The following GAK variants were observed in gnomAD, a reference collection of about 807,000 sequenced individuals.
GAK encodes cyclin-G-associated kinase.
GAK carries 79 observed loss-of-function variants against 143.9 expected under a neutral mutation model. That is an observed-to-expected ratio of 0.55 (90% confidence interval 0.46 to 0.66). GAK has a LOEUF of 0.66. Ranked by LOEUF, GAK falls within the 30% of genes least tolerant of loss-of-function variation. The pLI is 0.00. For synonymous variants in GAK, 881 were observed against 765.5 expected, an observed-to-expected ratio of 1.15 and a Z score of -2.49; for missense variants, 1,693 against 1,779.7, an observed-to-expected ratio of 0.95 and a Z score of 0.88.
chr4:918,292 T>C (rs993529331), intron 1 of GAK, among the ~76,000 whole-genome samples: 12 of 152,392 alleles, frequency 7.9e-5, no homozygotes, highest in African/African-American at 2.9e-4. Context: ...ACATAAGACT[T>C]AATCGTGTTT....
chr4:866,395 G>A lies in GAK; in HGVS notation c.3012C>T (p.Pro1004=), dbSNP rs1275457973. 6.2e-7 allele frequency: 1 copy of A among 1,613,958 alleles called. No individual in the cohort carries two copies. Among genetic ancestry groups the A allele is most frequent in the Admixed American group, 1.7e-5 (1 of 60,008 alleles). ...PSFPSAHSAP[P]PSCSADFLHL... ...GCAGGAAGTCGGCGCTGCAGGATGG[G>A]GGCGGAGCACTGTGGGCAGACGGGA... The change falls in exon 22 of 28, where the codon CCC becomes CCT. Residue 1004 remains proline, a synonymous_variant. Transcript: ENST00000314167.
chr4:890,389 A>AG, intron 10 of GAK, 143 bp downstream of exon 10: 1 of 590,550 alleles, frequency 1.7e-6, no homozygotes, highest in Non-Finnish European at 2.9e-6. Context: ...GGGTGTGCTC[A>AG]GGGACCCTGA....
At chr4:868,251 G>A (rs968123889) in intron 20 of GAK, among the ~76,000 whole-genome samples, 1 of 152,206 alleles carries the variant, frequency 6.6e-6, no homozygotes, top group African/African-American at 2.4e-5. Context: ...CGCCAGCATG[G>A]CCCATGCTGC....
chr4:893,521 C>A, intron 8 of GAK, 32 bp from the exon 9 acceptor site: 1 of 1,476,202 alleles, frequency 6.8e-7, no homozygotes, highest in African/African-American at 1.4e-5. Context: ...CTCGGCCCCA[C>A]GGTTCCCCAG....
Position 896,373 on chromosome 4 carries a change from C to T in GAK, c.741+87G>A, listed in dbSNP as rs909810553. 1.2e-5 allele frequency: 12 copies of T among 1,000,352 alleles called. No homozygotes were observed. In the South Asian group the frequency reaches 1.2e-4, roughly 10 times the overall value. 62.0% of individuals were successfully genotyped at this position (1,000,352 alleles called of 1,614,324 possible). ...GGGGGTGGAGGAGGCAGGCCAGTTC[C>T]GAGTGGCAGGTGCCCGGCCCACGCC... is the stretch of plus-strand genomic sequence containing the variant. On this transcript the variant is annotated intron_variant, in intron 7 of 27. Coordinates refer to ENST00000314167, the MANE Select transcript of GAK (RefSeq NM_005255.4).
In GAK at chr4:850,060, G is replaced by A. The variant is rs1307835870; in HGVS notation, c.3666C>T (p.Asp1222=). 2 of 1,576,900 alleles carry A rather than the reference G, an allele frequency of 1.3e-6. No homozygotes were observed. Among genetic ancestry groups the A allele is most frequent in the Non-Finnish European group, 8.7e-7 (1 of 1,154,726 alleles). The change falls in exon 27 of 28, where the codon GAC becomes GAT. Residue 1222 remains aspartate (D), a synonymous_variant. Transcript: ENST00000314167. ...DTDPLKLKLL[D]WIEGKERNIR... Reference sequence around the variant, plus strand: ...TGTTCCGCTCCTTGCCCTCAATCCAGTCCAGGAGCTGCGGGAGACACGGAG... The same window carrying A: ...TGTTCCGCTCCTTGCCCTCAATCCAATCCAGGAGCTGCGGGAGACACGGAG...
At chr4:864,979 C>T (rs182836565) in intron 23 of GAK, 143 bp downstream of exon 23, 55 of 1,163,134 alleles carry the variant, frequency 4.7e-5, no homozygotes, top group East Asian at 4.3e-4. Flanking sequence ...GCCTTGTGTG[C>T]GGAGCCCGCA....
chr4:893,612 G>T, intron 8 of GAK, 123 bp from the exon 9 acceptor site: 10 of 743,884 alleles, frequency 1.3e-5, no homozygotes, highest in East Asian at 3.0e-5. Context: ...GACGTCAGAA[G>T]CAAGAAGGGA....
chr4:893,909 T>G lies in GAK; in HGVS notation c.842A>C (p.His281Pro). 1 of 1,611,462 alleles carries G rather than the reference T, an allele frequency of 6.2e-7. No individual in the cohort carries two copies. Among genetic ancestry groups the G allele is most frequent in the Non-Finnish European group, 8.5e-7 (1 of 1,178,914 alleles). Reference protein sequence around the residue: ...IVNGKYSIPPHDTQYTVFHSL... With the variant: ...IVNGKYSIPPPDTQYTVFHSL... ...GTGGAAGACCGTGTACTGCGTGTCGTGCGGGGGGATCGAGTACTTCCCATT... is the reference window on the plus strand; with the variant it reads ...GTGGAAGACCGTGTACTGCGTGTCGGGCGGGGGGATCGAGTACTTCCCATT... The change falls in exon 8 of 28, where the codon CAC becomes CCC. Residue 281 changes from histidine (H) to proline (P), a missense_variant. Transcript: ENST00000314167.
At chr4:896,907 G>A (rs527307819) in intron 6 of GAK, among the ~76,000 whole-genome samples, 2 of 152,358 alleles carry the variant, frequency 1.3e-5, no homozygotes, top group East Asian at 1.9e-4. Context: ...CAGAGTGGCC[G>A]CACCCAGAGC....
intron 23 of GAK, among the ~76,000 whole-genome samples, chr4:863,618 T>C (rs1490284274): frequency 2.6e-5 from 4 of 152,238 alleles, no homozygotes; most frequent in African/African-American, 9.6e-5. Context: ...GCCATCCACA[T>C]TGAGGCAAGA....
chr4:913,940 G>A (rs1304562349), intron 1 of GAK: 9 of 243,634 alleles, frequency 3.7e-5, no homozygotes, highest in Admixed American at 7.7e-5. Context: ...CAGCGTGCAC[G>A]GCCCCACACA....
Position 849,914 on chromosome 4 carries a change from A to G in GAK, c.3812T>C (p.Val1271Ala), listed in dbSNP as rs371601461. The G allele has an allele frequency of 9.2e-6, 14 of 1,517,918 alleles. No homozygotes were observed. Among genetic ancestry groups the G allele is most frequent in the Non-Finnish European group, 1.2e-5 (14 of 1,122,674 alleles). The allele number at this position is 1,517,918 out of a possible 1,614,324, so 94.0% of individuals were successfully genotyped here. A position where few individuals can be genotyped will look rare whatever the true frequency, so the allele number is the denominator to read the frequency against. The change falls in exon 27 of 28, where the codon GTG becomes GCG. Residue 1271 changes from valine to alanine, a missense_variant. Physicochemically the swap from Val to Ala is moderately conservative, Grantham distance 64. Coordinates refer to ENST00000314167, the MANE Select transcript of GAK (RefSeq NM_005255.4). ...EQVKKHYRRA[V>A]LAVHPDKAAG... ...CACCTTGTCGGGGTGCACAGCCAGC[A>G]CCGCGCGGCGATAGTGCTTCTTCAC...
At chr4:868,167 A>G (rs904883227) in intron 20 of GAK, among the ~76,000 whole-genome samples, 1 of 152,050 alleles carries the variant, frequency 6.6e-6, no homozygotes, top group African/African-American at 2.4e-5. Flanking sequence ...GGTGTGGGCA[A>G]AGAGAGGTGT....
intron 24 of GAK, 68 bp from the exon 25 acceptor site, chr4:852,042 G>T: frequency 7.7e-7 from 1 of 1,292,640 alleles, no homozygotes; most frequent in Non-Finnish European, 1.1e-6. Flanking sequence ...TTTCTATAAC[G>T]CAGAGCACCA....
intron 5 of GAK, among the ~76,000 whole-genome samples, chr4:902,070 T>C (rs1358465437): frequency 6.6e-6 from 1 of 152,078 alleles, no homozygotes; most frequent in Admixed American, 6.5e-5. Context: ...AAACCCTGTC[T>C]CTACTAAAAG....
At chr4:910,639 C>T (rs1040631237) in intron 4 of GAK, among the ~76,000 whole-genome samples, 2 of 152,110 alleles carry the variant, frequency 1.3e-5, no homozygotes, top group African/African-American at 2.4e-5. Flanking sequence ...GGCTTGTGGA[C>T]GACAGATCTC....
In GAK at chr4:867,157, C is replaced by T; in HGVS notation, c.2671G>A (p.Gly891Ser). The T allele has an allele frequency of 6.3e-7, 1 of 1,599,216 alleles. No homozygotes were observed. The highest frequency in any genetic ancestry group is 1.7e-5 in the Admixed American group (1 of 59,326). Residue 891 changes from glycine (G) to serine (S), a missense_variant, in exon 21 of 28, where the codon GGC (glycine) becomes AGC (serine). Physicochemically the swap from Gly to Ser is moderately conservative, Grantham distance 56. Transcript: ENST00000314167. ...TGCGGGGGTACAGCTGGCCCTGCGC[C>T]CACCTCGGAGTGCAGGCCCAGGAGG... ...VDLLGLHSEV[G>S]AGPAVPPQAC...
At position 868,614 on chromosome 4, in the gene GAK, C is replaced by T. The variant is rs777181534; in HGVS notation, c.2320G>A (p.Glu774Lys). The change falls in exon 20 of 28, where the codon GAA (glutamate) becomes AAA (lysine). Residue 774 changes from glutamate to lysine, a missense_variant. Glu to Lys is a moderately conservative substitution (Grantham distance 56, BLOSUM62 1). Transcript: ENST00000314167. ...YDAGAGSPEA[E>K]PTDSDSPPSS... ...GGCGGTGAGTCAGAGTCTGTGGGTT[C>T]GGCTTCCGGGGACCCTGCCCCAGCA... 2.4e-5 allele frequency: 38 copies of T among 1,588,908 alleles called. No homozygotes were observed. The highest frequency in any genetic ancestry group is 4.7e-5 in the East Asian group (2 of 42,986).
Sources: allele counts gnomAD v4.1 joint callset (sites outside exome capture counted in the v4.1 genomes callset), GRCh38; gene constraint gnomAD v4.1.1; transcripts MANE v1.5; gene names NCBI Gene and HGNC (gene_info 2026-07-23, HGNC 2026-07-21).